The following RBFOX1 variants were observed in gnomAD, a reference collection of about 807,000 sequenced individuals.
RBFOX1 encodes RNA binding protein fox-1 homolog 1.
In RBFOX1, 8 loss-of-function variants were observed where a neutral mutation model predicts 57.7. The observed-to-expected ratio is 0.14, with a 90% CI of 0.08 to 0.25. The LOEUF (loss-of-function observed/expected upper bound fraction) is 0.25. RBFOX1 is among the 10% of genes least tolerant of loss of function. The pLI, the probability that RBFOX1 is intolerant of heterozygous loss-of-function variation, is 1.00. For synonymous variants in RBFOX1, 326 were observed against 222.4 expected (o/e 1.47, Z -4.15); for missense variants, 611 against 548.5 (o/e 1.11, Z -1.14).
intron 4 of RBFOX1, among the ~76,000 whole-genome samples, chr16:7,360,462 C>T (rs372257437): frequency 1.3e-5 from 2 of 152,106 alleles, no homozygotes; most frequent in South Asian, 2.1e-4. Context: ...TGGGAGAAGC[C>T]TTTACTAATT....
At chr16:5,513,535 G>T (rs867072138) in intron 2 of RBFOX1, among the ~76,000 whole-genome samples, 4 of 152,320 alleles carry the variant, frequency 2.6e-5, no homozygotes, top group Middle Eastern at 3.4e-3. Flanking sequence ...AAGTCAATAT[G>T]AGCAGCTCAC....
intron 3 of RBFOX1, among the ~76,000 whole-genome samples, chr16:5,711,792 A>G (rs2051496691): frequency 2.0e-5 from 3 of 152,234 alleles, no homozygotes; most frequent in Admixed American, 2.0e-4. Context: ...ATCCATGTGA[A>G]TCTAAAGGAC....
intron 3 of RBFOX1, among the ~76,000 whole-genome samples, chr16:5,739,141 C>T (rs773700540): frequency 3.9e-5 from 6 of 152,172 alleles, no homozygotes; most frequent in Non-Finnish European, 7.3e-5. Context: ...CTGTAAACTT[C>T]TTGAGTGTAG....
At chr16:6,280,483 G>A (rs1410041351) in intron 1 of RBFOX1, among the ~76,000 whole-genome samples, 2 of 152,130 alleles carry the variant, frequency 1.3e-5, no homozygotes, top group Admixed American at 1.3e-4. Flanking sequence ...AAGATTAAGG[G>A]AAGGGGAGGA....
At chr16:5,326,052 A>G (rs2064560443) in intron 1 of RBFOX1, among the ~76,000 whole-genome samples, 1 of 152,232 alleles carries the variant, frequency 6.6e-6, no homozygotes, top group South Asian at 2.1e-4. Context: ...GTTTGGCATC[A>G]GAGTTTTTAC....
At chr16:6,860,464 G>T (rs1039081921) in intron 3 of RBFOX1, among the ~76,000 whole-genome samples, 2 of 152,180 alleles carry the variant, frequency 1.3e-5, no homozygotes, top group Middle Eastern at 3.2e-3. Context: ...CCGTGCTGCT[G>T]ATGGAAGAGT....
intron 4 of RBFOX1, among the ~76,000 whole-genome samples, chr16:7,493,361 C>A (rs2067549452): frequency 6.6e-6 from 1 of 152,146 alleles, no homozygotes; most frequent in South Asian, 2.1e-4. Context: ...GACAGTCTTC[C>A]CCTAGAATCA....
At chr16:6,842,299 AATT>A in intron 3 of RBFOX1, among the ~76,000 whole-genome samples, 1 of 131,760 alleles carries the variant, frequency 7.6e-6, no homozygotes, top group South Asian at 2.3e-4. Flanking sequence ...CAACTTTCTT[AATT>A]ATTTTTTTCT....
chr16:6,923,434 G>A (rs1368677379), intron 3 of RBFOX1, among the ~76,000 whole-genome samples: 2 of 152,186 alleles, frequency 1.3e-5, no homozygotes, highest in Non-Finnish European at 2.9e-5. Flanking sequence ...TTGGAAGGCT[G>A]AGGAAGGAGA....
At chr16:5,354,527 C>A (rs2065340105) in intron 1 of RBFOX1, among the ~76,000 whole-genome samples, 1 of 152,174 alleles carries the variant, frequency 6.6e-6, no homozygotes, top group Admixed American at 6.5e-5. Flanking sequence ...GTGGTGCCCG[C>A]AATGTGGGGC....
intron 3 of RBFOX1, among the ~76,000 whole-genome samples, chr16:5,743,076 T>C (rs1461363813): frequency 6.6e-6 from 1 of 152,178 alleles, no homozygotes; most frequent in East Asian, 1.9e-4. Context: ...TTTTCTCAAA[T>C]GGACTGATTT....
chr16:5,502,173 G>A (rs1330027467), intron 2 of RBFOX1, among the ~76,000 whole-genome samples: 1 of 152,174 alleles, frequency 6.6e-6, no homozygotes, highest in Admixed American at 6.5e-5. Flanking sequence ...GCTTCCTAGA[G>A]TAGGGGGTGA....
At chr16:5,680,848 G>A (rs529416495) in intron 3 of RBFOX1, among the ~76,000 whole-genome samples, 1 of 152,192 alleles carries the variant, frequency 6.6e-6, no homozygotes, top group East Asian at 1.9e-4. Flanking sequence ...TAGACATAGA[G>A]TAATGAACAA....
chr16:6,947,608 A>G (rs536139628), intron 3 of RBFOX1, among the ~76,000 whole-genome samples: 2 of 152,224 alleles, frequency 1.3e-5, no homozygotes, highest in African/African-American at 4.8e-5. Context: ...CTTGCGTAGA[A>G]GGAAAACTGT....
chr16:6,421,420 A>G (rs1365870819), intron 2 of RBFOX1, among the ~76,000 whole-genome samples: 2 of 152,246 alleles, frequency 1.3e-5, no homozygotes, highest in Non-Finnish European at 2.9e-5. Flanking sequence ...GATTTTATTC[A>G]AGGAAGTTCT....
chr16:6,201,037 A>G (rs772442857), intron 1 of RBFOX1, among the ~76,000 whole-genome samples: 3 of 151,644 alleles, frequency 2.0e-5, no homozygotes, highest in Non-Finnish European at 4.4e-5. Flanking sequence ...GCTCCCACAT[A>G]TGAGTGAGAA....
At chr16:6,306,872 G>T (rs541863974) in intron 1 of RBFOX1, among the ~76,000 whole-genome samples, 10 of 152,214 alleles carry the variant, frequency 6.6e-5, no homozygotes, top group Non-Finnish European at 1.5e-4. Flanking sequence ...CATTTAAGTG[G>T]TGGAAACATG....
chr16:5,843,038 A>G (rs2056665201), intron 3 of RBFOX1, among the ~76,000 whole-genome samples: 1 of 151,980 alleles, frequency 6.6e-6, no homozygotes, highest in African/African-American at 2.4e-5. Flanking sequence ...CATGTTGGCC[A>G]GGCTGGTCTC....
intron 3 of RBFOX1, among the ~76,000 whole-genome samples, chr16:6,893,909 G>A (rs2066126473): frequency 6.6e-6 from 1 of 152,096 alleles, no homozygotes; most frequent in South Asian, 2.1e-4. Flanking sequence ...ACACATAGAG[G>A]GAGCAAGCTG....
Sources: allele counts gnomAD v4.1 joint callset (sites outside exome capture counted in the v4.1 genomes callset), GRCh38; gene constraint gnomAD v4.1.1; transcripts MANE v1.5; gene names NCBI Gene and HGNC (gene_info 2026-07-23, HGNC 2026-07-21).